Variants in STK38L observed in about 807,000 individuals in gnomAD.
STK38L encodes the protein serine/threonine kinase 38 like.
STK38L carries 28 observed loss-of-function variants against 59.7 expected under a neutral mutation model. The observed-to-expected ratio is 0.47, with a 90% CI of 0.35 to 0.64. The LOEUF (loss-of-function observed/expected upper bound fraction) is 0.64. Ranked by LOEUF, STK38L falls within the 30% of genes least tolerant of loss-of-function variation. The pLI is 0.01. For missense variants in STK38L, 314 were observed against 555.8 expected, an observed-to-expected ratio of 0.56 and a Z score of 4.37; for synonymous variants, 162 against 176.8, an observed-to-expected ratio of 0.92 and a Z score of 0.66.
chr12:27,289,135 C>T (rs1038176724), intron 1 of STK38L, among the ~76,000 whole-genome samples: 33 of 152,134 alleles, frequency 2.2e-4, no homozygotes, highest in African/African-American at 8.0e-4. Flanking sequence ...AAATCTAGTG[C>T]ACTACCAGAT....
At chr12:27,284,169 A>G (rs1013574083) in intron 1 of STK38L, among the ~76,000 whole-genome samples, 2 of 152,224 alleles carry the variant, frequency 1.3e-5, no homozygotes, top group African/African-American at 4.8e-5. Context: ...TGCTAGGGCT[A>G]TTAGATGCTA....
At chr12:27,278,979 G>A (rs1460969857) in intron 1 of STK38L, among the ~76,000 whole-genome samples, 1 of 152,150 alleles carries the variant, frequency 6.6e-6, no homozygotes. Flanking sequence ...GGATAAAAAA[G>A]GAAAAAGAGT....
intron 1 of STK38L, among the ~76,000 whole-genome samples, chr12:27,287,101 C>CT (rs201757206): frequency 0.075 from 10,416 of 139,530 alleles, 1,228 homozygotes; most frequent in African/African-American, 0.25. Context: ...TTTAGATACA[C>CT]TTTTTTTTTT....
At chr12:27,294,325 G>T (rs768478930) in intron 1 of STK38L, among the ~76,000 whole-genome samples, 17 of 151,942 alleles carry the variant, frequency 1.1e-4, no homozygotes, top group Non-Finnish European at 2.2e-4. Context: ...TTCGAGACCA[G>T]CCTGGCCAAC....
chr12:27,260,089 C>A (rs751795974), intron 1 of STK38L, among the ~76,000 whole-genome samples: 4 of 152,148 alleles, frequency 2.6e-5, no homozygotes, highest in African/African-American at 4.8e-5. Flanking sequence ...TTTGGTTATA[C>A]AAGTCCCCCA....
chr12:27,306,750 C>CAT (rs1296042768), intron 3 of STK38L, among the ~76,000 whole-genome samples: 4 of 147,158 alleles, frequency 2.7e-5, no homozygotes, highest in African/African-American at 5.1e-5. Context: ...CACACACACA[C>CAT]ACATATATTT....
intron 1 of STK38L, among the ~76,000 whole-genome samples, chr12:27,281,896 C>T (rs1264277466): frequency 1.3e-5 from 2 of 151,958 alleles, no homozygotes; most frequent in African/African-American, 2.4e-5. Context: ...ATCAGCCGGG[C>T]GTGATGGCGG....
chr12:27,302,221 G>T (rs1262768983), intron 3 of STK38L, 33 bp downstream of exon 3: 2 of 1,514,978 alleles, frequency 1.3e-6, no homozygotes, highest in African/African-American at 2.8e-5. Flanking sequence ...CTGTACAAAA[G>T]CACCCCCAGT....
chr12:27,312,406 A>G, intron 5 of STK38L, 143 bp from the exon 6 acceptor site: 1 of 854,568 alleles, frequency 1.2e-6, no homozygotes, highest in South Asian at 1.9e-5. Context: ...TTTGATGAGA[A>G]TACGAACATT....
chr12:27,295,694 C>T (rs1440776382), intron 1 of STK38L, among the ~76,000 whole-genome samples: 2 of 151,986 alleles, frequency 1.3e-5, no homozygotes, highest in African/African-American at 2.4e-5. Context: ...CTGTTAGGGC[C>T]GAATTTTTCT....
intron 1 of STK38L, among the ~76,000 whole-genome samples, chr12:27,271,458 G>A (rs1237358055): frequency 2.0e-5 from 3 of 152,184 alleles, no homozygotes; most frequent in Non-Finnish European, 4.4e-5. Flanking sequence ...CTCATGAGTG[G>A]ATGCTGGCCT....
At chr12:27,290,580 T>G (rs891159302) in intron 1 of STK38L, among the ~76,000 whole-genome samples, 2 of 152,212 alleles carry the variant, frequency 1.3e-5, no homozygotes, top group Non-Finnish European at 2.9e-5. Context: ...TCTTTCCAGC[T>G]GACTAACTGA....
intron 5 of STK38L, among the ~76,000 whole-genome samples, chr12:27,312,138 C>T (rs971510027): frequency 6.6e-6 from 1 of 152,212 alleles, no homozygotes; most frequent in Non-Finnish European, 1.5e-5. Context: ...CCTGGCCTCC[C>T]AAAGTGCTGG....
intron 1 of STK38L, among the ~76,000 whole-genome samples, chr12:27,264,231 C>G (rs933559299): frequency 1.3e-5 from 2 of 152,120 alleles, no homozygotes; most frequent in African/African-American, 4.8e-5. Context: ...GCAATGATTT[C>G]AGGATGGGAG....
chr12:27,322,536 T>A lies in STK38L; in HGVS notation c.*81T>A. The A allele has an allele frequency of 6.5e-7, 1 of 1,528,892 alleles. No homozygotes were observed. Among genetic ancestry groups the A allele is most frequent in the Non-Finnish European group, 8.8e-7 (1 of 1,140,474 alleles). 94.7% of individuals were successfully genotyped at this position (1,528,892 alleles called of 1,614,324 possible). A position where few individuals can be genotyped will look rare whatever the true frequency, so the allele number is the denominator to read the frequency against. On this transcript the variant is annotated 3_prime_UTR_variant, in exon 14 of 14. Transcript: ENST00000389032. ...TTGCTTGGCGTAGATAACAATACAC[T>A]GAAATACTCCTGAAGATGGTGGTGC...
chr12:27,292,918 C>T (rs1943927815), intron 1 of STK38L, among the ~76,000 whole-genome samples: 1 of 152,112 alleles, frequency 6.6e-6, no homozygotes, highest in African/African-American at 2.4e-5. Flanking sequence ...AAAATGACCT[C>T]ATATGTATTT....
At chr12:27,299,420 A>G (rs1298008075) in intron 2 of STK38L, among the ~76,000 whole-genome samples, 1 of 152,220 alleles carries the variant, frequency 6.6e-6, no homozygotes, top group East Asian at 1.9e-4. Context: ...GCAGAGGCAA[A>G]CAAACAAAAA....
chr12:27,264,633 G>A lies in STK38L; in HGVS notation c.-12+20301G>A, dbSNP rs1943266357. Reference sequence around the variant, plus strand: ...AAATGATACAAATAAAAAACAGCATGGTATACCAACTATTTATGTAGCATT... The same window carrying A: ...AAATGATACAAATAAAAAACAGCATAGTATACCAACTATTTATGTAGCATT... On this transcript the variant is annotated intron_variant, in intron 1 of 13. Coordinates refer to ENST00000389032, the MANE Select transcript of STK38L (RefSeq NM_015000.4). Among the ~76,000 whole-genome samples the A allele has an allele frequency of 1.3e-5, 2 of 152,062 alleles. 1 individual carries two copies. The highest frequency in any genetic ancestry group is 4.1e-4 in the South Asian group (2 of 4,822).
chr12:27,302,118 T>G lies in STK38L; in HGVS notation c.135-19T>G, dbSNP rs1206078359. The G allele has an allele frequency of 1.9e-6, 3 of 1,594,512 alleles. No individual in the cohort carries two copies. The highest frequency in any genetic ancestry group is 2.6e-6 in the Non-Finnish European group (3 of 1,169,994). On this transcript the variant is annotated intron_variant, in intron 2 of 13. Coordinates refer to ENST00000389032, the MANE Select transcript of STK38L (RefSeq NM_015000.4). ...GTTAGGAATGTATTTAAAATTTAATTTTTTTTTCCTTTGAAAAGGCAGAAG... is the reference window on the plus strand; with the variant it reads ...GTTAGGAATGTATTTAAAATTTAATGTTTTTTTCCTTTGAAAAGGCAGAAG...
Sources: gnomAD v4.1 joint callset for allele counts (sites outside exome capture counted in the v4.1 genomes callset) on GRCh38, gnomAD v4.1.1 for gene constraint, MANE v1.5 for transcripts, NCBI Gene and HGNC (gene_info 2026-07-23, HGNC 2026-07-21) for gene names.